Variants in STAU2 observed in about 807,000 individuals in gnomAD.
STAU2 encodes double-stranded RNA-binding protein Staufen homolog 2.
STAU2 carries 20 observed loss-of-function variants against 65.9 expected under a neutral mutation model. The observed-to-expected ratio is 0.30, with a 90% confidence interval of 0.21 to 0.44. The LOEUF is 0.44. STAU2 is among the 20% of genes least tolerant of loss of function. The probability of loss-of-function intolerance (pLI) is 1.00; values close to 1 mark genes in which losing one functional copy is unlikely to be tolerated. For synonymous variants in STAU2, 232 were observed against 233.9 expected, an observed-to-expected ratio of 0.99 and a Z score of 0.07; for missense variants, 558 against 683.9, an observed-to-expected ratio of 0.82 and a Z score of 2.05.
intron 13 of STAU2, chr8:73,551,599 C>A (rs1185004369): frequency 1.0e-4 from 102 of 989,428 alleles, no homozygotes; most frequent in Non-Finnish European, 1.2e-4. Flanking sequence ...AAGGTAAAAT[C>A]ATCATAAAAA....
At chr8:73,449,743 C>T (rs1456582485) in intron 13 of STAU2, among the ~76,000 whole-genome samples, 2 of 152,188 alleles carry the variant, frequency 1.3e-5, no homozygotes, top group Non-Finnish European at 2.9e-5. Context: ...CAGCCCACCC[C>T]TTTCTTGTTA....
chr8:73,674,647 T>C (rs1171655710), intron 5 of STAU2, among the ~76,000 whole-genome samples: 6 of 150,976 alleles, frequency 4.0e-5, no homozygotes, highest in Admixed American at 2.0e-4. Flanking sequence ...TTAGTAATCA[T>C]GCTGTTAGTA....
intron 13 of STAU2, among the ~76,000 whole-genome samples, chr8:73,486,562 T>C (rs1820915456): frequency 1.3e-5 from 2 of 150,614 alleles, no homozygotes. Context: ...CTATCAAACA[T>C]GACCGCTAAT....
intron 13 of STAU2, among the ~76,000 whole-genome samples, chr8:73,508,771 C>T (rs1822210951): frequency 6.6e-6 from 1 of 152,126 alleles, no homozygotes; most frequent in Non-Finnish European, 1.5e-5. Flanking sequence ...GTCTATTTTT[C>T]ATATAGCATG....
chr8:73,709,828 CTTA>C (rs1426984313), intron 3 of STAU2, among the ~76,000 whole-genome samples: 1 of 151,358 alleles, frequency 6.6e-6, no homozygotes, highest in Non-Finnish European at 1.5e-5. Flanking sequence ...TGTTAAGTTC[CTTA>C]TTATCTTTTA....
rs1248845928 is a variant in STAU2 at position 73,615,720 on chromosome 8, T to G, written c.633A>C (p.Leu211Phe). 1 of 1,613,896 alleles carries G rather than the reference T, an allele frequency of 6.2e-7. No individual in the cohort carries two copies. The highest frequency in any genetic ancestry group is 8.5e-7 in the Non-Finnish European group (1 of 1,179,980). Residue 211 changes from leucine to phenylalanine, a missense_variant, in exon 8 of 15, where the codon TTA becomes TTC. Physicochemically the swap from Leu to Phe is conservative, Grantham distance 22. Coordinates refer to ENST00000524300, the MANE Select transcript of STAU2 (RefSeq NM_001164380.2). ...TTCGCTTCAGAGCAATTTCAAACACTAAGCTGATCTCAGACTTATTTGCAT... is the reference window on the plus strand; with the variant it reads ...TTCGCTTCAGAGCAATTTCAAACACGAAGCTGATCTCAGACTTATTTGCAT... ...DKDANKSEIS[L>F]VFEIALKRNM...
intron 6 of STAU2, among the ~76,000 whole-genome samples, chr8:73,648,074 T>C (rs908605905): frequency 6.6e-6 from 1 of 152,210 alleles, no homozygotes; most frequent in African/African-American, 2.4e-5. Context: ...TTTACAACTT[T>C]CAGTGAATCT....
Position 73,545,220 on chromosome 8 carries a change from T to C in STAU2, c.1530+6792A>G, listed in dbSNP as rs919275559. On this transcript the variant is annotated intron_variant, in intron 13 of 14. Transcript: ENST00000524300. Reference sequence around the variant, plus strand: ...TTTTCAAACTGTAAACCTAGTACTGTTTTCCAGCAATGGTTCAAATGTTCC... The same window carrying C: ...TTTTCAAACTGTAAACCTAGTACTGCTTTCCAGCAATGGTTCAAATGTTCC... 4.6e-5 allele frequency among the ~76,000 whole-genome samples: 7 copies of C among 152,324 alleles called. No homozygotes were observed. In the South Asian group the frequency reaches 1.0e-3, roughly 23 times the overall value.
intron 6 of STAU2, among the ~76,000 whole-genome samples, chr8:73,656,084 C>T (rs961664522): frequency 2.0e-5 from 3 of 152,118 alleles, no homozygotes; most frequent in Admixed American, 1.3e-4. Flanking sequence ...TGCCAGGCCA[C>T]ATAATTTTTA....
intron 13 of STAU2, among the ~76,000 whole-genome samples, chr8:73,491,921 C>T (rs1191982720): frequency 2.0e-5 from 3 of 151,772 alleles, no homozygotes; most frequent in African/African-American, 7.3e-5. Flanking sequence ...TAAAAATACG[C>T]AAGAGAAGAA....
intron 1 of STAU2, among the ~76,000 whole-genome samples, chr8:73,740,167 C>T (rs911051397): frequency 1.3e-5 from 2 of 152,220 alleles, no homozygotes; most frequent in East Asian, 3.8e-4. Context: ...GCAACCCCAA[C>T]TGACAGCTTG....
At chr8:73,606,990 G>A (rs190315218) in intron 9 of STAU2, among the ~76,000 whole-genome samples, 12 of 152,258 alleles carry the variant, frequency 7.9e-5, no homozygotes, top group Non-Finnish European at 1.0e-4. Flanking sequence ...GTGGTTTCTC[G>A]GCAAATTAAG....
At chr8:73,422,815 T>G in intron 13 of STAU2, 113 bp from the exon 14 acceptor site, 1 of 700,068 alleles carries the variant, frequency 1.4e-6, no homozygotes, top group South Asian at 3.1e-5. Flanking sequence ...CATAATTTTT[T>G]TTTGCATTGT....
chr8:73,642,457 A>G (rs879794459), intron 6 of STAU2, among the ~76,000 whole-genome samples: 1 of 152,086 alleles, frequency 6.6e-6, no homozygotes, highest in Admixed American at 6.5e-5. Context: ...CGGGAGGCGG[A>G]GGTCACAGTG....
chr8:73,618,109 T>C (rs9657038), intron 6 of STAU2, among the ~76,000 whole-genome samples: 13,630 of 152,172 alleles, frequency 0.09, 729 homozygotes, highest in Middle Eastern at 0.15. Flanking sequence ...AATTAAGATA[T>C]GTAATAAAAT....
At chr8:73,435,100 C>T (rs1456562602) in intron 13 of STAU2, among the ~76,000 whole-genome samples, 4 of 151,836 alleles carry the variant, frequency 2.6e-5, no homozygotes, top group African/African-American at 9.7e-5. Context: ...GAGATGCCCC[C>T]CCTGGACCTT....
At chr8:73,663,456 T>A (rs530213790) in intron 6 of STAU2, among the ~76,000 whole-genome samples, 5 of 152,294 alleles carry the variant, frequency 3.3e-5, no homozygotes, top group Non-Finnish European at 7.4e-5. Flanking sequence ...TGTCCCTATG[T>A]TAATTTTCTG....
chr8:73,551,762 T>C (rs1807348212), intron 13 of STAU2: 1 of 1,148,928 alleles, frequency 8.7e-7, no homozygotes, highest in South Asian at 4.1e-5. Flanking sequence ...ATATGAAAAA[T>C]GCTTAAAAAA....
intron 13 of STAU2, among the ~76,000 whole-genome samples, chr8:73,462,398 G>C (rs1819411784): frequency 6.6e-6 from 1 of 151,358 alleles, no homozygotes; most frequent in African/African-American, 2.4e-5. Flanking sequence ...CACCACACCT[G>C]GCCTATTTTA....
Sources: gnomAD v4.1 joint callset for allele counts (sites outside exome capture counted in the v4.1 genomes callset) on GRCh38, gnomAD v4.1.1 for gene constraint, MANE v1.5 for transcripts, NCBI Gene and HGNC (gene_info 2026-07-23, HGNC 2026-07-21) for gene names.